Variants in DAB1 observed in about 807,000 individuals in gnomAD.
DAB1 encodes the protein disabled homolog 1.
Under a neutral mutation model 64.6 loss-of-function variants are expected in DAB1, and 15 were observed. The observed-to-expected ratio is 0.23, with a 90% CI of 0.16 to 0.36. The LOEUF is 0.36. Among genes scored for constraint, DAB1 ranks in the 10% least tolerant of loss-of-function variants. The probability of loss-of-function intolerance (pLI) is 1.00; values close to 1 mark genes in which losing one functional copy is unlikely to be tolerated. For synonymous variants in DAB1, 235 were observed against 251.9 expected, an observed-to-expected ratio of 0.93 and a Z score of 0.64; for missense variants, 596 against 706.7, an observed-to-expected ratio of 0.84 and a Z score of 1.78.
At chr1:57,880,521 C>T (rs1214566142) in intron 1 of DAB1, 2 of 152,144 alleles carry the variant, frequency 1.3e-5, no homozygotes, top group Non-Finnish European at 2.9e-5. Context: ...GTGAAGCCTT[C>T]CATGGTTTCA....
rs187527015 is a variant in DAB1 at position 57,816,063 on chromosome 1, G to A, written n.551+67936C>T. Among the ~76,000 whole-genome samples the A allele has an allele frequency of 1.5e-4, 23 of 152,222 alleles. No individual in the cohort carries two copies. In the East Asian group the frequency reaches 4.1e-3, roughly 27 times the overall value. ...AGCCGTTTCTCTGCTGTGTGCCAAC[G>A]TTTCCCTCACTGGTAAAGTGAGAGT... On this transcript the variant is annotated intron_variant and non_coding_transcript_variant, in intron 6 of 20. Coordinates refer to the DAB1 transcript ENST00000485760.
chr1:57,014,301 C>A (rs1157937950), intron 12 of DAB1, among the ~76,000 whole-genome samples: 2 of 152,154 alleles, frequency 1.3e-5, no homozygotes, highest in Non-Finnish European at 2.9e-5. Flanking sequence ...AAGCTTTAAC[C>A]CAAAATGAGG....
At chr1:58,456,328 A>G (rs1410004733) in intron 3 of DAB1, among the ~76,000 whole-genome samples, 1 of 152,242 alleles carries the variant, frequency 6.6e-6, no homozygotes, top group Non-Finnish European at 1.5e-5. Context: ...CTGGCTACAG[A>G]GTCTACATTC....
At chr1:58,415,769 T>C (rs111391969) in intron 3 of DAB1, among the ~76,000 whole-genome samples, 12 of 152,332 alleles carry the variant, frequency 7.9e-5, no homozygotes, top group African/African-American at 2.6e-4. Context: ...TGAGTCTCCA[T>C]TGCAGGGGCC....
intron 5 of DAB1, among the ~76,000 whole-genome samples, chr1:58,142,902 C>T (rs913923941): frequency 2.0e-5 from 3 of 152,222 alleles, no homozygotes; most frequent in African/African-American, 7.2e-5. Context: ...AACTTCTCAC[C>T]ATTTGTGCCA....
chr1:57,933,459 A>T (rs2102040134), intron 5 of DAB1, among the ~76,000 whole-genome samples: 1 of 152,252 alleles, frequency 6.6e-6, no homozygotes, highest in Admixed American at 6.5e-5. Context: ...CTTTTCTAGA[A>T]CTTCATATAA....
chr1:58,078,623 A>G (rs181863948), intron 5 of DAB1, among the ~76,000 whole-genome samples: 52 of 152,358 alleles, frequency 3.4e-4, no homozygotes, highest in Admixed American at 1.2e-3. Flanking sequence ...GGAAAAAACA[A>G]TAAAGATAAA....
intron 6 of DAB1, among the ~76,000 whole-genome samples, chr1:57,709,265 C>T: frequency 6.6e-6 from 1 of 152,080 alleles, no homozygotes; most frequent in East Asian, 1.9e-4. Context: ...ATCTGAATTA[C>T]TATTTAATCC....
intron 7 of DAB1, among the ~76,000 whole-genome samples, chr1:57,449,460 A>T (rs1445173210): frequency 6.6e-6 from 1 of 150,838 alleles, no homozygotes; most frequent in African/African-American, 2.4e-5. Flanking sequence ...GCTCACATAC[A>T]GCCTCAAACT....
chr1:58,041,341 T>C (rs1647133356), intron 5 of DAB1, among the ~76,000 whole-genome samples: 1 of 152,178 alleles, frequency 6.6e-6, no homozygotes, highest in Non-Finnish European at 1.5e-5. Context: ...TTCATCTCTA[T>C]GTTTCTGGAA....
chr1:58,492,795 G>T (rs1645721523), intron 3 of DAB1, among the ~76,000 whole-genome samples: 1 of 152,052 alleles, frequency 6.6e-6, no homozygotes, highest in South Asian at 2.1e-4. Flanking sequence ...ACCAAAAAAA[G>T]TCCAGGACCA....
intron 1 of DAB1, among the ~76,000 whole-genome samples, chr1:57,346,522 A>G (rs1678115686): frequency 1.3e-5 from 2 of 152,190 alleles, no homozygotes; most frequent in Non-Finnish European, 2.9e-5. Flanking sequence ...TTACTTTGTT[A>G]TAACACACAC....
chr1:58,154,578 C>T (rs1311575768), intron 4 of DAB1, among the ~76,000 whole-genome samples: 2 of 152,122 alleles, frequency 1.3e-5, no homozygotes, highest in Non-Finnish European at 1.5e-5. Context: ...TATATATATA[C>T]AGGGCTCTGC....
intron 7 of DAB1, among the ~76,000 whole-genome samples, chr1:57,464,615 G>C (rs969153441): frequency 2.0e-5 from 3 of 152,154 alleles, no homozygotes; most frequent in Admixed American, 2.0e-4. Context: ...GATTAAATAA[G>C]TATTTCTCAA....
intron 7 of DAB1, among the ~76,000 whole-genome samples, chr1:57,543,339 A>G (rs1362131279): frequency 6.6e-6 from 1 of 152,044 alleles, no homozygotes; most frequent in Non-Finnish European, 1.5e-5. Context: ...TCCTTCCCCT[A>G]TGTCATGCTG....
At chr1:57,890,512 G>A (rs147551711) in intron 5 of DAB1, among the ~76,000 whole-genome samples, 14 of 146,476 alleles carry the variant, frequency 9.6e-5, no homozygotes, top group African/African-American at 7.7e-5. Flanking sequence ...CTGAAGTGCA[G>A]TGGCACAATC....
rs12562247 is a variant in DAB1, at chr1:58,232,671, G to T, written n.310-82083C>A. On this transcript the variant is annotated intron_variant and non_coding_transcript_variant, in intron 4 of 20. Coordinates refer to the DAB1 transcript ENST00000485760. ...AGAAGAGACTTACTCGGTCTCAAAA[G>T]GTGGGCAGAAAAGGCACTCGGAGAT... Among the ~76,000 whole-genome samples the T allele has an allele frequency of 1.6e-4, 24 of 152,320 alleles. No individual in the cohort carries two copies. In the East Asian group the frequency reaches 4.6e-3, roughly 29 times the overall value.
intron 4 of DAB1, among the ~76,000 whole-genome samples, chr1:57,079,915 AT>A (rs1162268918): frequency 6.6e-6 from 1 of 152,080 alleles, no homozygotes; most frequent in Admixed American, 6.6e-5. Flanking sequence ...TCAGTTTGCC[AT>A]TATGTATGGG....
chr1:58,137,441 T>C (rs1654009666), intron 5 of DAB1, among the ~76,000 whole-genome samples: 1 of 152,108 alleles, frequency 6.6e-6, no homozygotes, highest in African/African-American at 2.4e-5. Context: ...TCACCATCCA[T>C]CCATTCATCT....
Sources: allele counts gnomAD v4.1 joint callset (sites outside exome capture counted in the v4.1 genomes callset), GRCh38; gene constraint gnomAD v4.1.1; transcripts MANE v1.5; gene names NCBI Gene and HGNC (gene_info 2026-07-23, HGNC 2026-07-21).